CFAP299: variants seen among roughly 807,000 people sequenced by gnomAD.
The protein encoded by CFAP299 is cilia and flagella associated protein 299.
In CFAP299, 21 loss-of-function variants were observed where a neutral mutation model predicts 27.0. That is an observed-to-expected ratio of 0.78 (90% CI 0.55 to 1.12). The LOEUF (loss-of-function observed/expected upper bound fraction) is 1.12. Among genes scored for constraint, CFAP299 ranks in the 50% most tolerant of loss-of-function variants. CFAP299 has a pLI of 0.00. For synonymous variants in CFAP299, 104 were observed against 98.1 expected, an observed-to-expected ratio of 1.06 and a Z score of -0.36; for missense variants, 310 against 276.6, an observed-to-expected ratio of 1.12 and a Z score of -0.86.
chr4:80,488,203 C>G (rs1730922725), intron 2 of CFAP299, among the ~76,000 whole-genome samples: 1 of 152,100 alleles, frequency 6.6e-6, no homozygotes, highest in Admixed American at 6.5e-5. Context: ...AAAATGGACA[C>G]AAACACTACA....
chr4:80,446,761 A>G (rs1728634322), intron 2 of CFAP299, among the ~76,000 whole-genome samples: 1 of 152,240 alleles, frequency 6.6e-6, no homozygotes, highest in African/African-American at 2.4e-5. Context: ...CAGTCTATTT[A>G]GTCACTCAAG....
chr4:80,401,982 C>T (rs1012755116), intron 2 of CFAP299, among the ~76,000 whole-genome samples: 1 of 152,122 alleles, frequency 6.6e-6, no homozygotes, highest in Non-Finnish European at 1.5e-5. Context: ...TTGACTGCCC[C>T]ACTGGATTTT....
intron 3 of CFAP299, among the ~76,000 whole-genome samples, chr4:80,673,447 G>C (rs1305893018): frequency 6.6e-6 from 1 of 151,916 alleles, no homozygotes; most frequent in Non-Finnish European, 1.5e-5. Context: ...GTCAGTTTGG[G>C]AATAAGTGTG....
At chr4:80,820,747 C>T (rs1729661121) in intron 3 of CFAP299, among the ~76,000 whole-genome samples, 1 of 152,148 alleles carries the variant, frequency 6.6e-6, no homozygotes, top group African/African-American at 2.4e-5. Flanking sequence ...GTCCGCATTT[C>T]CTCGCCTGCC....
intron 2 of CFAP299, among the ~76,000 whole-genome samples, chr4:80,557,236 T>C (rs1019515488): frequency 3.9e-5 from 6 of 152,086 alleles, no homozygotes; most frequent in Non-Finnish European, 5.9e-5. Flanking sequence ...CAATCTTATG[T>C]ACCCACCTCT....
At chr4:80,452,320 A>G (rs1012507762) in intron 2 of CFAP299, among the ~76,000 whole-genome samples, 1 of 151,960 alleles carries the variant, frequency 6.6e-6, no homozygotes, top group Non-Finnish European at 1.5e-5. Flanking sequence ...TTCATTCCCT[A>G]TTTGTTCATC....
rs545389693 is a variant in CFAP299 at position 80,636,886 on chromosome 4, C to T, written c.333+53703C>T. Reference sequence around the variant, plus strand: ...CCTTGTAGAGAAAGTTTGTCCACCCCGAGTACAGAAAATTAAGGTATAGGT... The same window carrying T: ...CCTTGTAGAGAAAGTTTGTCCACCCTGAGTACAGAAAATTAAGGTATAGGT... On this transcript the variant is annotated intron_variant, in intron 3 of 5. Transcript: ENST00000358105. Among the ~76,000 whole-genome samples, 9 of 151,848 alleles carry T rather than the reference C, an allele frequency of 5.9e-5. 1 individual carries two copies. The highest frequency in any genetic ancestry group is 1.9e-4 in the East Asian group (1 of 5,178).
chr4:80,653,295 C>CA (rs1302744259), intron 3 of CFAP299, among the ~76,000 whole-genome samples: 1 of 152,126 alleles, frequency 6.6e-6, no homozygotes. Context: ...TCCTCCTCAC[C>CA]TCTCCATTTT....
intron 2 of CFAP299, among the ~76,000 whole-genome samples, chr4:80,510,047 A>G (rs1157565937): frequency 1.3e-5 from 2 of 152,144 alleles, no homozygotes; most frequent in African/African-American, 4.8e-5. Flanking sequence ...CTCTGTCACC[A>G]TCTTGAAATT....
At chr4:80,546,018 T>C (rs1734210255) in intron 2 of CFAP299, among the ~76,000 whole-genome samples, 1 of 152,154 alleles carries the variant, frequency 6.6e-6, no homozygotes, top group African/African-American at 2.4e-5. Context: ...ATTATATCAA[T>C]AGACACAGAA....
intron 3 of CFAP299, among the ~76,000 whole-genome samples, chr4:80,784,967 T>C (rs1437400752): frequency 6.6e-6 from 1 of 152,204 alleles, no homozygotes; most frequent in East Asian, 1.9e-4. Context: ...AGATATATGA[T>C]TTGCAAATAT....
At chr4:80,563,356 C>G (rs1735131342) in intron 2 of CFAP299, among the ~76,000 whole-genome samples, 1 of 151,990 alleles carries the variant, frequency 6.6e-6, no homozygotes, top group African/African-American at 2.4e-5. Context: ...TCTTCTCTGA[C>G]CACAATGGAA....
At position 80,767,782 on chromosome 4, in the gene CFAP299, A is replaced by G. The variant is rs371787094; in HGVS notation, c.334-102211A>G. Among the ~76,000 whole-genome samples, 23 of 152,266 alleles carry G rather than the reference A, an allele frequency of 1.5e-4. 1 individual carries two copies. The highest frequency in any genetic ancestry group is 1.4e-3 in the South Asian group (7 of 4,828). ...CAACTCTACCTTTCTTCTAACTTTCATCACCTTACTTATTTATTTATTATT... is the reference window on the plus strand; with the variant it reads ...CAACTCTACCTTTCTTCTAACTTTCGTCACCTTACTTATTTATTTATTATT... On this transcript the variant is annotated intron_variant, in intron 3 of 5. Transcript: ENST00000358105.
At chr4:80,671,083 G>A (rs570532073) in intron 3 of CFAP299, among the ~76,000 whole-genome samples, 1 of 152,140 alleles carries the variant, frequency 6.6e-6, no homozygotes. Context: ...GTCCTGAATG[G>A]TATTGCCTAG....
chr4:80,659,881 A>G (rs1740750250), intron 3 of CFAP299, among the ~76,000 whole-genome samples: 1 of 152,150 alleles, frequency 6.6e-6, no homozygotes, highest in Non-Finnish European at 1.5e-5. Flanking sequence ...CAAATTCAGG[A>G]TAAATGATAG....
intron 1 of CFAP299, among the ~76,000 whole-genome samples, chr4:80,348,813 A>G (rs960145001): frequency 2.0e-5 from 3 of 152,248 alleles, no homozygotes; most frequent in Admixed American, 2.0e-4. Context: ...AGCAGCAAAC[A>G]CATGTTTACC....
chr4:80,785,139 T>A lies in CFAP299; in HGVS notation c.334-84854T>A, dbSNP rs145695899. The stretch of plus-strand genomic sequence containing the variant: ...TCAATGTCAAGGAGCTCTTCCTCTA[T>A]GTTTTTTTTTTTTTTAGGAGTTTTA... On this transcript the variant is annotated intron_variant, in intron 3 of 5. Coordinates refer to ENST00000358105, the MANE Select transcript of CFAP299 (RefSeq NM_152770.3). Among the ~76,000 whole-genome samples the A allele has an allele frequency of 3.0e-3, 419 of 140,376 alleles. 1 individual carries two copies. The highest frequency in any genetic ancestry group is 0.011 in the African/African-American group (406 of 35,366). 92.1% of individuals were successfully genotyped at this position (140,376 alleles called of 152,430 possible).
Position 80,930,482 on chromosome 4 carries a change from C to T in CFAP299, c.477-14328C>T, listed in dbSNP as rs184682959. Among the ~76,000 whole-genome samples, 531 of 152,208 alleles carry T rather than the reference C, an allele frequency of 3.5e-3. 3 individuals carry two copies. Among genetic ancestry groups the T allele is most frequent in the African/African-American group, 0.012 (495 of 41,536 alleles). Reference sequence around the variant, plus strand: ...TGACATCTGAAGTGGATGTTGTGGGCGGAGCGGTCTTGAGGACTGAACTTC... The same window carrying T: ...TGACATCTGAAGTGGATGTTGTGGGTGGAGCGGTCTTGAGGACTGAACTTC... On this transcript the variant is annotated intron_variant, in intron 4 of 5. Coordinates refer to ENST00000358105, the MANE Select transcript of CFAP299 (RefSeq NM_152770.3).
intron 2 of CFAP299, among the ~76,000 whole-genome samples, chr4:80,453,857 A>G (rs995706352): frequency 8.2e-5 from 12 of 146,746 alleles, no homozygotes; most frequent in African/African-American, 3.0e-4. Flanking sequence ...TAATAATAAT[A>G]ATAATAATAA....
Sources: allele counts gnomAD v4.1 joint callset (sites outside exome capture counted in the v4.1 genomes callset), GRCh38; gene constraint gnomAD v4.1.1; transcripts MANE v1.5; gene names NCBI Gene and HGNC (gene_info 2026-07-23, HGNC 2026-07-21).